Variants in RBFOX2 observed in about 807,000 individuals in gnomAD.
RBFOX2 encodes the protein RNA binding protein fox-1 homolog 2.
Under a neutral mutation model 49.1 loss-of-function variants are expected in RBFOX2, and 10 were observed. The ratio of observed to expected loss-of-function variants is 0.20; its 90% CI spans 0.13 to 0.35. The LOEUF is 0.35. Among genes scored for constraint, RBFOX2 ranks in the 10% least tolerant of loss-of-function variants. The pLI is 1.00. For missense variants in RBFOX2, 323 were observed against 486.9 expected (o/e 0.66, Z 3.17); for synonymous variants, 183 against 187.4 (o/e 0.98, Z 0.19).
At chr22:35,953,071 C>T (rs1251097344) in intron 1 of RBFOX2, among the ~76,000 whole-genome samples, 2 of 151,726 alleles carry the variant, frequency 1.3e-5, no homozygotes. Context: ...ATTAGCTGGG[C>T]CTGGTGGCGG....
At chr22:35,994,394 T>C (rs921232556) in intron 1 of RBFOX2, 1 of 148,994 alleles carries the variant, frequency 6.7e-6, no homozygotes, top group Admixed American at 6.7e-5. Context: ...ATTTTATTTA[T>C]TTATTTATTT....
intron 9 of RBFOX2, among the ~76,000 whole-genome samples, chr22:35,756,933 G>T (rs748259244): frequency 7.9e-5 from 12 of 152,000 alleles, no homozygotes; most frequent in Non-Finnish European, 1.6e-4. Flanking sequence ...AAAGGTTAAG[G>T]TGATTGGTCC....
At position 36,013,640 on chromosome 22, in the gene RBFOX2, C is replaced by G. The variant is rs184143725; in HGVS notation, c.186+14600G>C. 3.5e-3 allele frequency among the ~76,000 whole-genome samples: 515 copies of G among 149,054 alleles called. 1 individual carries two copies. Among genetic ancestry groups the G allele is most frequent in the African/African-American group, 0.012 (464 of 38,854 alleles). ...AGCATCACACAAACACACACACACA[C>G]ACACACACAGAGAGAGAGAGAGAGA... On this transcript the variant is annotated intron_variant, in intron 1 of 13. Transcript: ENST00000438146.
At chr22:35,842,790 A>G (rs559383593), upstream of RBFOX2, among the ~76,000 whole-genome samples, 4 of 152,070 alleles carry the variant, frequency 2.6e-5, no homozygotes, top group East Asian at 7.8e-4. Flanking sequence ...ACAAGGCCCC[A>G]AGGAGTTTTT....
At chr22:35,878,976 C>T (rs1421001248) in intron 1 of RBFOX2, among the ~76,000 whole-genome samples, 1 of 152,218 alleles carries the variant, frequency 6.6e-6, no homozygotes, top group African/African-American at 2.4e-5. Flanking sequence ...GTGATCCACC[C>T]GCCTTGGCCT....
chr22:35,917,829 G>C (rs971939186), intron 1 of RBFOX2, among the ~76,000 whole-genome samples: 1 of 152,154 alleles, frequency 6.6e-6, no homozygotes, highest in African/African-American at 2.4e-5. Context: ...ACTGCTGATG[G>C]AGTACAGCAG....
At chr22:35,804,259 C>A (rs562854471) in intron 2 of RBFOX2, among the ~76,000 whole-genome samples, 4 of 151,136 alleles carry the variant, frequency 2.6e-5, no homozygotes, top group Admixed American at 2.0e-4. Flanking sequence ...GCCTGGGCAA[C>A]AGAGCAAGAC....
At chr22:35,858,336 C>T (rs1005546823) in intron 1 of RBFOX2, among the ~76,000 whole-genome samples, 1 of 152,078 alleles carries the variant, frequency 6.6e-6, no homozygotes, top group African/African-American at 2.4e-5. Flanking sequence ...TTCAAAATGC[C>T]CAAATCTTAA....
At chr22:35,984,923 G>A (rs1390141484) in intron 1 of RBFOX2, among the ~76,000 whole-genome samples, 1 of 152,070 alleles carries the variant, frequency 6.6e-6, no homozygotes, top group Non-Finnish European at 1.5e-5. Context: ...ACAGGCAATG[G>A]AGATACAACA....
chr22:35,763,147 C>T (rs930571332), intron 6 of RBFOX2, among the ~76,000 whole-genome samples: 2 of 152,190 alleles, frequency 1.3e-5, no homozygotes, highest in Non-Finnish European at 2.9e-5. Context: ...TTCTTAGGAC[C>T]TTTAACACAA....
At chr22:35,974,986 T>C (rs999454462) in intron 1 of RBFOX2, among the ~76,000 whole-genome samples, 1 of 152,202 alleles carries the variant, frequency 6.6e-6, no homozygotes, top group African/African-American at 2.4e-5. Flanking sequence ...GGCAACGTAG[T>C]AGACGGGGCT....
chr22:35,905,584 G>A (rs1320731590), intron 1 of RBFOX2, among the ~76,000 whole-genome samples: 1 of 152,306 alleles, frequency 6.6e-6, no homozygotes, highest in East Asian at 1.9e-4. Context: ...CAGCCATGAA[G>A]AAGAGAAATA....
intron 1 of RBFOX2, among the ~76,000 whole-genome samples, chr22:35,911,057 T>C (rs1168154996): frequency 6.6e-6 from 1 of 152,216 alleles, no homozygotes; most frequent in Non-Finnish European, 1.5e-5. Context: ...TAAAACCCTA[T>C]TTATAGACCT....
intron 1 of RBFOX2, among the ~76,000 whole-genome samples, chr22:35,863,757 G>A (rs888675058): frequency 3.3e-5 from 5 of 152,160 alleles, no homozygotes; most frequent in Non-Finnish European, 5.9e-5. Context: ...GCCAGCTGTC[G>A]TTTACCCTGC....
At chr22:35,997,479 C>G (rs532691254) in intron 1 of RBFOX2, 1 of 152,352 alleles carries the variant, frequency 6.6e-6, no homozygotes, top group Admixed American at 6.5e-5. Context: ...CCTGTCACTA[C>G]AGAACTTCAA....
intron 1 of RBFOX2, among the ~76,000 whole-genome samples, chr22:35,980,469 G>A (rs536827257): frequency 1.3e-5 from 2 of 152,294 alleles, no homozygotes; most frequent in South Asian, 4.1e-4. Flanking sequence ...TCTACTCAAA[G>A]CAAAGGAGTA....
chr22:35,938,815 C>A, intron 1 of RBFOX2, 32 bp downstream of exon 2: 1 of 1,592,298 alleles, frequency 6.3e-7, no homozygotes, highest in Non-Finnish European at 8.6e-7. Context: ...CACACACATA[C>A]ATCATCTGAG....
chr22:35,775,924 C>A (rs1265282003), intron 4 of RBFOX2, among the ~76,000 whole-genome samples: 2 of 151,172 alleles, frequency 1.3e-5, no homozygotes, highest in East Asian at 3.9e-4. Flanking sequence ...TGAAAGAAGC[C>A]TTAAGAAAGA....
intron 1 of RBFOX2, among the ~76,000 whole-genome samples, chr22:35,855,302 T>C (rs923704621): frequency 1.3e-5 from 2 of 152,206 alleles, no homozygotes; most frequent in African/African-American, 2.4e-5. Flanking sequence ...TGGATGCTTT[T>C]ATAGTATTAA....
Sources: gnomAD v4.1 joint callset for allele counts (sites outside exome capture counted in the v4.1 genomes callset) on GRCh38, gnomAD v4.1.1 for gene constraint, MANE v1.5 for transcripts, NCBI Gene and HGNC (gene_info 2026-07-23, HGNC 2026-07-21) for gene names.